The following AHCYL2 variants were observed in gnomAD, a reference collection of about 807,000 sequenced individuals.
AHCYL2 encodes adenosylhomocysteinase like 2.
Under a neutral mutation model 81.4 loss-of-function variants are expected in AHCYL2, and 28 were observed. That is an observed-to-expected ratio of 0.34 (90% CI 0.25 to 0.47). AHCYL2 has a LOEUF of 0.47. AHCYL2 is among the 20% of genes least tolerant of loss of function. AHCYL2 has a pLI of 1.00. For synonymous variants in AHCYL2, 272 were observed against 290.2 expected, an observed-to-expected ratio of 0.94 and a Z score of 0.64; for missense variants, 551 against 785.1, an observed-to-expected ratio of 0.70 and a Z score of 3.56.
intron 1 of AHCYL2, among the ~76,000 whole-genome samples, chr7:129,343,501 T>C (rs1353261510): frequency 6.6e-6 from 1 of 152,088 alleles, no homozygotes; most frequent in East Asian, 1.9e-4. Context: ...GAGGGGGAGC[T>C]TAGAGCAATG....
At chr7:129,255,311 T>C (rs1000185954) in intron 1 of AHCYL2, among the ~76,000 whole-genome samples, 2 of 152,132 alleles carry the variant, frequency 1.3e-5, no homozygotes, top group Non-Finnish European at 2.9e-5. Flanking sequence ...TTTTAATATC[T>C]TATACTTAAC....
chr7:129,278,069 A>T (rs1432210264), intron 1 of AHCYL2, among the ~76,000 whole-genome samples: 1 of 152,128 alleles, frequency 6.6e-6, no homozygotes, highest in Non-Finnish European at 1.5e-5. Context: ...ATCCTCATCA[A>T]CATTTGGTAT....
At position 129,347,933 on chromosome 7, in the gene AHCYL2, C is replaced by T. The variant is rs1441396220; in HGVS notation, c.364-31705C>T. On this transcript the variant is annotated intron_variant, in intron 1 of 16. Transcript: ENST00000325006. ...TACAGTACCAATCTACTTTGGGTACCAGGACCTCCTTCCCCTGTGGATTCC... is the reference window on the plus strand; with the variant it reads ...TACAGTACCAATCTACTTTGGGTACTAGGACCTCCTTCCCCTGTGGATTCC... Among the ~76,000 whole-genome samples the T allele has an allele frequency of 1.3e-5, 2 of 152,098 alleles. 1 individual carries two copies.
intron 1 of AHCYL2, among the ~76,000 whole-genome samples, chr7:129,305,043 A>G (rs2718094): frequency 0.79 from 120,309 of 151,720 alleles, 47,772 homozygotes; most frequent in Non-Finnish European, 0.82. Context: ...TATTTTTTGC[A>G]TATCCACTAT....
chr7:129,359,174 T>C (rs184101524), intron 1 of AHCYL2, among the ~76,000 whole-genome samples: 142 of 152,304 alleles, frequency 9.3e-4, no homozygotes, highest in African/African-American at 3.1e-3. Context: ...TTTCCCACAA[T>C]ATAAATAAAA....
chr7:129,270,482 G>A (rs2150727667), intron 1 of AHCYL2, among the ~76,000 whole-genome samples: 1 of 152,214 alleles, frequency 6.6e-6, no homozygotes, highest in South Asian at 2.1e-4. Flanking sequence ...TTTGACAAAG[G>A]GGGAAAGAAC....
At chr7:129,272,999 C>G (rs1219590532) in intron 1 of AHCYL2, among the ~76,000 whole-genome samples, 1 of 152,082 alleles carries the variant, frequency 6.6e-6, no homozygotes, top group Admixed American at 6.5e-5. Context: ...CTCCCGGGAT[C>G]AAGTGATTCT....
In AHCYL2 at chr7:129,401,493, G is replaced by T. The variant is rs375688795; in HGVS notation, c.918+1109G>T. 2.0e-5 allele frequency among the ~76,000 whole-genome samples: 3 copies of T among 152,238 alleles called. No homozygotes were observed. In the East Asian group the frequency reaches 5.8e-4, roughly 29 times the overall value. ...CAACCATTGCTTGCTGCTGAAGGCT[G>T]CAGAGCAGGCCTCACTTGGTGCATG... On this transcript the variant is annotated intron_variant, in intron 6 of 16. Coordinates refer to ENST00000325006, the MANE Select transcript of AHCYL2 (RefSeq NM_015328.4).
chr7:129,370,419 G>A (rs1218903376), intron 1 of AHCYL2, among the ~76,000 whole-genome samples: 1 of 150,338 alleles, frequency 6.7e-6, no homozygotes, highest in Non-Finnish European at 1.5e-5. Flanking sequence ...ATTTGCAGCC[G>A]GGTGCGGTGG....
chr7:129,322,243 G>A (rs1256736571), intron 1 of AHCYL2, among the ~76,000 whole-genome samples: 3 of 151,916 alleles, frequency 2.0e-5, no homozygotes. Flanking sequence ...GGGTTCAAGC[G>A]ATTCTCCTGT....
rs139762102 is a variant in AHCYL2, at chr7:129,266,142, A to G, written c.363+40703A>G. Among the ~76,000 whole-genome samples the G allele has an allele frequency of 2.0e-5, 3 of 151,846 alleles. No individual in the cohort carries two copies. In the East Asian group the frequency reaches 5.8e-4, roughly 29 times the overall value. ...TTCTTGTCTCCTTTTCTTTTTTCTC[A>G]GTGCACATTTAACTAGTTTTCAATA... On this transcript the variant is annotated intron_variant, in intron 1 of 16. Coordinates refer to ENST00000325006, the MANE Select transcript of AHCYL2 (RefSeq NM_015328.4).
At chr7:129,331,699 A>AGTGGCG (rs1798429661) in intron 1 of AHCYL2, among the ~76,000 whole-genome samples, 1 of 150,916 alleles carries the variant, frequency 6.6e-6, no homozygotes, top group East Asian at 2.2e-4. Context: ...AAAATTAGCC[A>AGTGGCG]GGCGAGGTAG....
chr7:129,379,680 C>T lies in AHCYL2; in HGVS notation c.406C>T (p.Pro136Ser). 1.2e-6 allele frequency: 2 copies of T among 1,614,118 alleles called. No individual in the cohort carries two copies. Among genetic ancestry groups the T allele is most frequent in the Non-Finnish European group, 8.5e-7 (1 of 1,180,008 alleles). ...CCAGAAGCAAGAATTCAACAAACGTCCCACCAAAATTGGACGTCGCTCTTT... is the reference window on the plus strand; with the variant it reads ...CCAGAAGCAAGAATTCAACAAACGTTCCACCAAAATTGGACGTCGCTCTTT... ...ADQKQEFNKR[P>S]TKIGRRSLSR... The change falls in exon 2 of 17, where the codon CCC (proline) becomes TCC (serine). Residue 136 changes from proline to serine, a missense_variant. Around this residue, in one of 2 missense-constraint regions of AHCYL2, gnomAD observed 235 missense variants for 242.1 expected, o/e 0.97. Transcript: ENST00000325006.
intron 1 of AHCYL2, among the ~76,000 whole-genome samples, chr7:129,263,828 T>C (rs1795724798): frequency 1.3e-5 from 2 of 152,178 alleles, no homozygotes; most frequent in South Asian, 2.1e-4. Flanking sequence ...GTTTCAGATA[T>C]AGAAGGACAA....
At chr7:129,330,942 TAAATAA>T (rs1798397831) in intron 1 of AHCYL2, among the ~76,000 whole-genome samples, 1 of 152,188 alleles carries the variant, frequency 6.6e-6, no homozygotes, top group South Asian at 2.1e-4. Context: ...TAGGCTTGCA[TAAATAA>T]AAATGAGACT....
intron 1 of AHCYL2, among the ~76,000 whole-genome samples, chr7:129,301,950 A>G (rs905883549): frequency 6.6e-6 from 1 of 151,978 alleles, no homozygotes; most frequent in Non-Finnish European, 1.5e-5. Flanking sequence ...CTATTATTAC[A>G]CTGATTCTGC....
At position 129,421,561 on chromosome 7, in the gene AHCYL2, G is replaced by T. The variant is rs552780308; in HGVS notation, c.1462-1279G>T. 2.6e-5 allele frequency among the ~76,000 whole-genome samples: 4 copies of T among 152,270 alleles called. No individual in the cohort carries two copies. The East Asian group carries it at 7.7e-4, about 29-fold the overall frequency. ...TACATATAAAATTTTGCTAGCTGCT[G>T]CCAAATTGTCCTCCAGAAAGGTTGA... is the stretch of plus-strand genomic sequence containing the variant. On this transcript the variant is annotated intron_variant, in intron 12 of 16. Coordinates refer to ENST00000325006, the MANE Select transcript of AHCYL2 (RefSeq NM_015328.4).
At chr7:129,234,135 C>T (rs1425456151) in intron 1 of AHCYL2, among the ~76,000 whole-genome samples, 2 of 152,166 alleles carry the variant, frequency 1.3e-5, no homozygotes, top group Admixed American at 1.3e-4. Context: ...ATTGCACCCT[C>T]AACCTCCTGA....
At chr7:129,331,854 T>A (rs969376802) in intron 1 of AHCYL2, among the ~76,000 whole-genome samples, 2 of 150,990 alleles carry the variant, frequency 1.3e-5, no homozygotes, top group South Asian at 2.1e-4. Flanking sequence ...AAAAAAATTT[T>A]AATTTAATTA....
Sources: gnomAD v4.1 joint callset for allele counts (sites outside exome capture counted in the v4.1 genomes callset) on GRCh38, gnomAD v4.1.1 for gene constraint, gnomAD v4.1.1 regional missense constraint, MANE v1.5 for transcripts, NCBI Gene and HGNC (gene_info 2026-07-23, HGNC 2026-07-21) for gene names.